Variants in ST8SIA4 observed in about 807,000 individuals in gnomAD.
ST8SIA4 encodes CMP-N-acetylneuraminate-poly-alpha-2,8-sialyltransferase.
Under a neutral mutation model 33.9 loss-of-function variants are expected in ST8SIA4, and 15 were observed. The ratio of observed to expected loss-of-function variants is 0.44; its 90% CI spans 0.30 to 0.68. ST8SIA4 has a LOEUF of 0.68. Among genes scored for constraint, ST8SIA4 ranks in the 30% least tolerant of loss-of-function variants. The pLI, the probability that ST8SIA4 is intolerant of heterozygous loss-of-function variation, is 0.10. For missense variants in ST8SIA4, 321 were observed against 428.0 expected, an observed-to-expected ratio of 0.75 and a Z score of 2.21; for synonymous variants, 171 against 151.2, an observed-to-expected ratio of 1.13 and a Z score of -0.96.
chr5:100,856,539 T>G, intron 3 of ST8SIA4, 143 bp from the exon 4 acceptor site: 1 of 797,082 alleles, frequency 1.3e-6, no homozygotes, highest in Non-Finnish European at 2.0e-6. Flanking sequence ...CTTGGTAAGA[T>G]TACATTTTCA....
chr5:100,881,209 G>A (rs527951092), intron 3 of ST8SIA4, among the ~76,000 whole-genome samples: 1 of 152,244 alleles, frequency 6.6e-6, no homozygotes, highest in Non-Finnish European at 1.5e-5. Flanking sequence ...ACTCCAGCAA[G>A]CCTATCTTGT....
chr5:100,855,879 A>G (rs1431440380), intron 4 of ST8SIA4, among the ~76,000 whole-genome samples: 2 of 152,218 alleles, frequency 1.3e-5, no homozygotes, highest in African/African-American at 2.4e-5. Flanking sequence ...ACACACATAA[A>G]TAAGTGCCAG....
chr5:100,893,687 C>T (rs1448475270), intron 2 of ST8SIA4, among the ~76,000 whole-genome samples: 19 of 152,066 alleles, frequency 1.2e-4, no homozygotes, highest in Non-Finnish European at 2.8e-4. Flanking sequence ...AGATATAATA[C>T]TTGAACTAGT....
At chr5:100,879,132 T>C (rs1752365510) in intron 3 of ST8SIA4, among the ~76,000 whole-genome samples, 1 of 152,222 alleles carries the variant, frequency 6.6e-6, no homozygotes, top group Non-Finnish European at 1.5e-5. Flanking sequence ...ATCTTTACCT[T>C]TCTATACTTC....
intron 4 of ST8SIA4, among the ~76,000 whole-genome samples, chr5:100,818,853 G>A (rs1009918842): frequency 7.9e-5 from 12 of 152,084 alleles, no homozygotes; most frequent in Admixed American, 3.3e-4. Flanking sequence ...ATTCAGTACC[G>A]ATGTATGTTA....
intron 3 of ST8SIA4, among the ~76,000 whole-genome samples, chr5:100,882,713 A>T (rs1752452259): frequency 6.6e-6 from 1 of 152,226 alleles, no homozygotes; most frequent in Non-Finnish European, 1.5e-5. Flanking sequence ...GGTGCACTGC[A>T]TCCCAGCTGC....
chr5:100,874,674 T>A, intron 3 of ST8SIA4, among the ~76,000 whole-genome samples: 1 of 152,040 alleles, frequency 6.6e-6, no homozygotes, highest in East Asian at 1.9e-4. Context: ...AGCCTCAACC[T>A]CCCGGGGTCA....
chr5:100,813,613 AG>A (rs1750855857), intron 4 of ST8SIA4, among the ~76,000 whole-genome samples: 1 of 152,040 alleles, frequency 6.6e-6, no homozygotes, highest in Non-Finnish European at 1.5e-5. Flanking sequence ...AAACATAGAC[AG>A]TGATTCTATG....
rs74340263 is a variant in ST8SIA4 at position 100,846,760 on chromosome 5, A to T, written c.797+9343T>A. 5.1e-3 allele frequency among the ~76,000 whole-genome samples: 780 copies of T among 152,246 alleles called. 4 individuals carry two copies. Among genetic ancestry groups the T allele is most frequent in the Non-Finnish European group, 8.7e-3 (590 of 67,960 alleles). On this transcript the variant is annotated intron_variant, in intron 4 of 4. Coordinates refer to ENST00000231461, the MANE Select transcript of ST8SIA4 (RefSeq NM_005668.6). ...TCCAAAGAAATTCTAGATATTTCGC[A>T]AAGCCTTTTAGTCTCAGTGAGAGAT...
Position 100,824,187 on chromosome 5 carries a change from T to G in ST8SIA4, c.798-12058A>C, listed in dbSNP as rs141531350. Among the ~76,000 whole-genome samples, 3 of 152,214 alleles carry G rather than the reference T, an allele frequency of 2.0e-5. No individual in the cohort carries two copies. In the East Asian group the frequency reaches 5.8e-4, roughly 29 times the overall value. On this transcript the variant is annotated intron_variant, in intron 4 of 4. Transcript: ENST00000231461. ...AGTATTATTGACCATCTGTTTCTAT[T>G]TTAGTACATTCATGTAATATTGTTT...
chr5:100,835,886 G>C (rs1401801886), intron 4 of ST8SIA4, among the ~76,000 whole-genome samples: 2 of 152,096 alleles, frequency 1.3e-5, no homozygotes, highest in African/African-American at 4.8e-5. Context: ...GATAAACTCA[G>C]ATATTTTTAG....
rs200429642 is a variant in ST8SIA4 at position 100,811,897 on chromosome 5, G to A, written c.1030C>T (p.His344Tyr). ...PLEFKTLNVLHNRGALKLTTG... is the reference protein window; with the variant it reads ...PLEFKTLNVLYNRGALKLTTG... ...GTCAGTTTTAGAGCTCCTCTATTAT[G>A]TAGCACATTTAATGTTTTGAATTCT... Residue 344 changes from histidine to tyrosine, a missense_variant, in exon 5 of 5, where the codon CAT becomes TAT. Coordinates refer to ENST00000231461, the MANE Select transcript of ST8SIA4 (RefSeq NM_005668.6). 6.2e-7 allele frequency: 1 copy of A among 1,613,958 alleles called. No homozygotes were observed. Among genetic ancestry groups the A allele is most frequent in the Non-Finnish European group, 8.5e-7 (1 of 1,179,988 alleles).
intron 4 of ST8SIA4, among the ~76,000 whole-genome samples, chr5:100,827,706 G>A (rs1751173576): frequency 6.6e-6 from 1 of 152,204 alleles, no homozygotes; most frequent in Admixed American, 6.5e-5. Flanking sequence ...GGTGGGTCCT[G>A]TATTTAATCA....
chr5:100,895,602 C>A, intron 2 of ST8SIA4, 52 bp downstream of exon 2: 1 of 1,565,098 alleles, frequency 6.4e-7, no homozygotes, highest in South Asian at 1.2e-5. Flanking sequence ...CCAAGCCCAA[C>A]GTATTTGAGA....
intron 4 of ST8SIA4, among the ~76,000 whole-genome samples, chr5:100,843,247 G>A (rs979028586): frequency 1.3e-5 from 2 of 151,810 alleles, no homozygotes; most frequent in African/African-American, 4.8e-5. Flanking sequence ...TACTTTAAAT[G>A]ACTAATTAGA....
intron 2 of ST8SIA4, among the ~76,000 whole-genome samples, chr5:100,894,523 A>C (rs1752738153): frequency 6.6e-6 from 1 of 152,048 alleles, no homozygotes; most frequent in African/African-American, 2.4e-5. Context: ...CTTCCCAGTC[A>C]ATTTCAAACC....
intron 4 of ST8SIA4, among the ~76,000 whole-genome samples, chr5:100,826,564 A>G (rs1751148961): frequency 6.6e-6 from 1 of 152,234 alleles, no homozygotes; most frequent in African/African-American, 2.4e-5. Flanking sequence ...TAGTTCAGTT[A>G]TGGCTTTCAG....
At chr5:100,857,947 A>T (rs1194882998) in intron 3 of ST8SIA4, among the ~76,000 whole-genome samples, 1 of 152,026 alleles carries the variant, frequency 6.6e-6, no homozygotes, top group African/African-American at 2.4e-5. Flanking sequence ...ATGACAGAGT[A>T]TGTATTTGTT....
chr5:100,851,150 G>T (rs1201728556), intron 4 of ST8SIA4, among the ~76,000 whole-genome samples: 1 of 151,140 alleles, frequency 6.6e-6, no homozygotes, highest in Admixed American at 6.6e-5. Context: ...TATTAGAGAC[G>T]GGGTTTCCCC....
Sources: gnomAD v4.1 joint callset for allele counts (sites outside exome capture counted in the v4.1 genomes callset) on GRCh38, gnomAD v4.1.1 for gene constraint, MANE v1.5 for transcripts, NCBI Gene and HGNC (gene_info 2026-07-23, HGNC 2026-07-21) for gene names.